Variants in RASGRF1 observed in about 807,000 individuals in gnomAD.
RASGRF1 encodes the protein Ras protein specific guanine nucleotide releasing factor 1.
Under a neutral mutation model 138.7 loss-of-function variants are expected in RASGRF1, and 40 were observed. That is an observed-to-expected ratio of 0.29 (90% CI 0.22 to 0.38). The LOEUF (loss-of-function observed/expected upper bound fraction) is 0.38, where lower values mean the gene tolerates loss of function less well. RASGRF1 is among the 10% of genes least tolerant of loss of function. The pLI is 1.00. For missense variants in RASGRF1, 1,108 were observed against 1,650.4 expected, an observed-to-expected ratio of 0.67 and a Z score of 5.69; for synonymous variants, 614 against 663.2, an observed-to-expected ratio of 0.93 and a Z score of 1.14.
intron 13 of RASGRF1, chr15:79,012,502 C>T: frequency 6.2e-7 from 1 of 1,609,488 alleles, no homozygotes; most frequent in Non-Finnish European, 8.5e-7. Flanking sequence ...CTCATTTCTG[C>T]TTCCCTGGTC....
rs930940158 is a variant in RASGRF1, at chr15:79,032,962, G to C, written c.959-646C>G. 6.6e-6 allele frequency among the ~76,000 whole-genome samples: 1 copy of C among 152,218 alleles called. No homozygotes were observed. Among genetic ancestry groups the C allele is most frequent in the Non-Finnish European group, 1.5e-5 (1 of 68,042 alleles). Reference sequence around the variant, plus strand: ...AGGTCACAGGGCAAGTCAGCAGCCGGCCTGGGGCTGGGTCTCCTGACCTCC... The same window carrying C: ...AGGTCACAGGGCAAGTCAGCAGCCGCCCTGGGGCTGGGTCTCCTGACCTCC... On this transcript the variant is annotated intron_variant, in intron 6 of 26. Coordinates refer to ENST00000558480, the MANE Select transcript of RASGRF1 (RefSeq NM_001145648.3). This position sits in a 1 kb window ranked among gnomAD's most constrained non-coding sequence, Gnocchi z 4.5.
intron 5 of RASGRF1, among the ~76,000 whole-genome samples, chr15:79,044,700 G>A (rs927508214): frequency 2.6e-5 from 4 of 152,184 alleles, no homozygotes; most frequent in Admixed American, 6.5e-5. Flanking sequence ...GAGGTCTATC[G>A]TGTTTCTTTT....
chr15:79,050,658 C>A lies in RASGRF1; in HGVS notation c.532-1070G>T, dbSNP rs1272159235. Among the ~76,000 whole-genome samples, 1 of 152,194 alleles carries A rather than the reference C, an allele frequency of 6.6e-6. No individual in the cohort carries two copies. Among genetic ancestry groups the A allele is most frequent in the Non-Finnish European group, 1.5e-5 (1 of 68,038 alleles). ...ATAATTTGGGGATCACAGATGTCGA[C>A]ATAGCTGCAAGAACAAAACCAAGGC... On this transcript the variant is annotated intron_variant, in intron 3 of 26. Transcript: ENST00000558480. This position sits in a 1 kb window ranked among gnomAD's most constrained non-coding sequence, Gnocchi z 4.1.
At chr15:78,990,421 C>A (rs1299901883) in intron 21 of RASGRF1, 148 bp from the exon 22 acceptor site, 6 of 622,264 alleles carry the variant, frequency 9.6e-6, no homozygotes, top group Admixed American at 5.7e-5. Flanking sequence ...AAGGAAGGAA[C>A]CTTGGGCTCA....
chr15:79,053,371 C>T (rs546078451), intron 3 of RASGRF1, among the ~76,000 whole-genome samples: 38 of 152,320 alleles, frequency 2.5e-4, no homozygotes, highest in East Asian at 5.8e-4. Context: ...TGTGTGTTCC[C>T]GTTCCAATAA....
intron 12 of RASGRF1, among the ~76,000 whole-genome samples, chr15:79,016,294 T>C (rs1350924642): frequency 6.6e-6 from 1 of 152,100 alleles, no homozygotes; most frequent in Non-Finnish European, 1.5e-5. Flanking sequence ...GTGGTGGAGC[T>C]CCCAGGCCCA....
chr15:78,990,220 T>C lies in RASGRF1; in HGVS notation c.3185A>G (p.Tyr1062Cys). ...GAAGTGCTTAGTGGTTTTCATGATA[T>C]AAGGGGTCCTTTCATTCTTTTCCAG... ...MKLEKNERTP[Y>C]IMKTTKHFND... The change falls in exon 22 of 27, where the codon TAT (tyrosine) becomes TGT (cysteine). Residue 1062 changes from tyrosine to cysteine, a missense_variant. Physicochemically the swap from Tyr to Cys is radical, Grantham distance 194. Around this residue, in one of 3 missense-constraint regions of RASGRF1, gnomAD observed 686 missense variants for 976.7 expected, o/e 0.70. Coordinates refer to ENST00000558480, the MANE Select transcript of RASGRF1 (RefSeq NM_001145648.3). The C allele has an allele frequency of 6.2e-7, 1 of 1,609,804 alleles. No homozygotes were observed. The highest frequency in any genetic ancestry group is 1.1e-5 in the South Asian group (1 of 90,962).
chr15:79,015,297 C>T, intron 13 of RASGRF1, 30 bp downstream of exon 13: 2 of 1,584,770 alleles, frequency 1.3e-6, no homozygotes, highest in East Asian at 2.2e-5. Flanking sequence ...TGGAATGCTG[C>T]CTGGTCAAGA....
intron 1 of RASGRF1, among the ~76,000 whole-genome samples, chr15:79,083,986 A>G (rs949078548): frequency 1.0e-4 from 14 of 136,166 alleles, no homozygotes; most frequent in African/African-American, 4.1e-4. Context: ...ATCTGCATTC[A>G]TAGCATGGCA....
chr15:78,980,722 A>G (rs901942068), intron 23 of RASGRF1, 23 bp from the exon 24 acceptor site: 4 of 1,550,480 alleles, frequency 2.6e-6, no homozygotes, highest in Non-Finnish European at 3.6e-6. Flanking sequence ...AGAAGCATTT[A>G]CTAACACACA....
intron 23 of RASGRF1, 154 bp from the exon 24 acceptor site, chr15:78,980,853 C>G (rs1257328318): frequency 1.9e-6 from 1 of 515,966 alleles, no homozygotes; most frequent in East Asian, 2.9e-5. Context: ...GCACCTTGCC[C>G]CTGAACTCCT....
chr15:79,068,134 G>A (rs1456006302), intron 1 of RASGRF1, among the ~76,000 whole-genome samples: 9 of 152,156 alleles, frequency 5.9e-5, no homozygotes, highest in Non-Finnish European at 1.3e-4. Flanking sequence ...GTGGAGGTAG[G>A]TGGCACGACC....
chr15:79,065,129 T>C (rs2057660347), intron 1 of RASGRF1, among the ~76,000 whole-genome samples: 1 of 152,186 alleles, frequency 6.6e-6, no homozygotes, highest in African/African-American at 2.4e-5. Flanking sequence ...GTTAAATGCA[T>C]GTAAAGCTCC....
intron 2 of RASGRF1, 69 bp from the exon 3 acceptor site, chr15:79,058,550 G>C (rs2057541685): frequency 1.3e-6 from 2 of 1,577,288 alleles, no homozygotes; most frequent in Admixed American, 1.7e-5. Flanking sequence ...GCAGGGCACT[G>C]ACCGGGAGAG....
At chr15:79,026,729 G>T (rs995266344) in intron 9 of RASGRF1, among the ~76,000 whole-genome samples, 1 of 152,204 alleles carries the variant, frequency 6.6e-6, no homozygotes, top group African/African-American at 2.4e-5. Flanking sequence ...CCCAGGAGGG[G>T]TCATTTCTTG....
chr15:78,970,825 CT>C (rs35845555), intron 26 of RASGRF1, among the ~76,000 whole-genome samples: 77,228 of 131,604 alleles, frequency 0.59, 22,639 homozygotes, highest in Non-Finnish European at 0.69. Context: ...CTAGCTGAGA[CT>C]TTTTTTTTTT....
rs140534782 is a variant in RASGRF1, at chr15:79,077,700, G to A, written c.276+12523C>T. ...CTTCCCGCTGTGTAACTGGCTGCCA[G>A]TTGTATCCGTTTTTCCTCTCTAGTA... On this transcript the variant is annotated intron_variant, in intron 1 of 26. Transcript: ENST00000558480. Among the ~76,000 whole-genome samples, 131 of 152,264 alleles carry A rather than the reference G, an allele frequency of 8.6e-4. 1 individual carries two copies. Among genetic ancestry groups the A allele is most frequent in the African/African-American group, 2.9e-3 (121 of 41,546 alleles).
At chr15:78,976,606 T>C (rs1007701320) in intron 24 of RASGRF1, among the ~76,000 whole-genome samples, 8 of 149,066 alleles carry the variant, frequency 5.4e-5, no homozygotes, top group Non-Finnish European at 1.0e-4. Context: ...TCCAGAGCCA[T>C]GTGGGCAAAT....
intron 1 of RASGRF1, among the ~76,000 whole-genome samples, chr15:79,087,402 T>C (rs1275503722): frequency 2.6e-5 from 4 of 152,086 alleles, no homozygotes; most frequent in East Asian, 1.9e-4. Context: ...CAGCCAAGAG[T>C]TGGTTTCTAT....
Sources: allele counts gnomAD v4.1 joint callset (sites outside exome capture counted in the v4.1 genomes callset), GRCh38; gene constraint gnomAD v4.1.1; regional missense constraint gnomAD v4.1.1; non-coding constraint Gnocchi (gnomAD v3.1); transcripts MANE v1.5; gene names NCBI Gene and HGNC (gene_info 2026-07-23, HGNC 2026-07-21).